IQGAP2: variants seen among roughly 807,000 people sequenced by gnomAD.
IQGAP2 encodes IQ motif containing GTPase activating protein 2.
IQGAP2 carries 173 observed loss-of-function variants against 201.3 expected under a neutral mutation model. The observed-to-expected ratio is 0.86, with a 90% CI of 0.76 to 0.98. IQGAP2 has a LOEUF of 0.98. Ranked by LOEUF, IQGAP2 falls within the 50% of genes least tolerant of loss-of-function variation. IQGAP2 has a pLI of 0.00. For synonymous variants in IQGAP2, 675 were observed against 673.9 expected (o/e 1.00, Z -0.03); for missense variants, 1,687 against 1,864.8 (o/e 0.90, Z 1.76).
chr5:76,461,432 C>T (rs753707671), intron 1 of IQGAP2, 138 bp from the exon 2 acceptor site: 2 of 515,800 alleles, frequency 3.9e-6, no homozygotes, highest in Non-Finnish European at 6.8e-6. Flanking sequence ...GCAAATTTCT[C>T]TCTCTGCCTG....
At chr5:76,410,511 G>A (rs1230169589) in intron 1 of IQGAP2, among the ~76,000 whole-genome samples, 1 of 152,192 alleles carries the variant, frequency 6.6e-6, no homozygotes, top group East Asian at 1.9e-4. Context: ...TGAGCATTTG[G>A]TGCCCTGTCT....
At chr5:76,596,509 G>C (rs917494009) in intron 9 of IQGAP2, among the ~76,000 whole-genome samples, 1 of 152,210 alleles carries the variant, frequency 6.6e-6, no homozygotes, top group Non-Finnish European at 1.5e-5. Flanking sequence ...AGATCACAGA[G>C]TGTATTAGTC....
At chr5:76,496,130 T>A (rs1399951279) in intron 2 of IQGAP2, among the ~76,000 whole-genome samples, 1 of 152,230 alleles carries the variant, frequency 6.6e-6, no homozygotes, top group African/African-American at 2.4e-5. Flanking sequence ...AAGTGATTAC[T>A]CACTTTACAG....
chr5:76,432,534 A>AT (rs1752435480), intron 1 of IQGAP2, among the ~76,000 whole-genome samples: 1 of 152,188 alleles, frequency 6.6e-6, no homozygotes, highest in Non-Finnish European at 1.5e-5. Flanking sequence ...CTAGAGCTAC[A>AT]TTTTAAAGGT....
chr5:76,487,110 T>C (rs1179806461), intron 2 of IQGAP2, among the ~76,000 whole-genome samples: 7 of 151,714 alleles, frequency 4.6e-5, no homozygotes, highest in African/African-American at 1.7e-4. Flanking sequence ...TTCTTTTTTT[T>C]TTTTTTGAGA....
chr5:76,530,455 C>G (rs142386373), intron 2 of IQGAP2, among the ~76,000 whole-genome samples: 2 of 152,298 alleles, frequency 1.3e-5, no homozygotes, highest in East Asian at 3.9e-4. Flanking sequence ...ATTTCAAAAC[C>G]AGGAATTTTT....
chr5:76,683,890 C>A lies in IQGAP2; in HGVS notation c.3878C>A (p.Ala1293Asp). ...TSKYDIEDGE[A>D]IDSRSLMIKT... ...AAATATGACATAGAGGACGGTGAAG[C>A]TATAGATAGCCGAAGCCTCATGATA... The change falls in exon 30 of 36, where the codon GCT becomes GAT. Residue 1293 changes from alanine (A) to aspartate (D), a missense_variant. Physicochemically the swap from Ala to Asp is moderately radical, Grantham distance 126 (BLOSUM62 -2). Transcript: ENST00000274364. 3 of 1,612,464 alleles carry A rather than the reference C, an allele frequency of 1.9e-6. No individual in the cohort carries two copies. Among genetic ancestry groups the A allele is most frequent in the Non-Finnish European group, 2.5e-6 (3 of 1,179,242 alleles).
At chr5:76,666,877 G>A (rs1451433023) in intron 22 of IQGAP2, among the ~76,000 whole-genome samples, 1 of 152,134 alleles carries the variant, frequency 6.6e-6, no homozygotes, top group East Asian at 1.9e-4. Flanking sequence ...CTGAGTAGCT[G>A]GGACTACAGA....
chr5:76,688,344 G>C (rs899042527), intron 30 of IQGAP2, among the ~76,000 whole-genome samples: 2 of 152,182 alleles, frequency 1.3e-5, no homozygotes, highest in Admixed American at 6.5e-5. Context: ...TTCCAGTCAT[G>C]AGTAACTCAT....
At chr5:76,684,081 A>T (rs1405459466) in intron 30 of IQGAP2, among the ~76,000 whole-genome samples, 164 bp downstream of exon 30, 1 of 152,218 alleles carries the variant, frequency 6.6e-6, no homozygotes, top group African/African-American at 2.4e-5. Context: ...GACTCTTTAG[A>T]ATTTAGGAAG....
At position 76,702,381 on chromosome 5, in the gene IQGAP2, C is replaced by T. The variant is rs1747481988; in HGVS notation, c.4506-101C>T. ...CTTCCTTAGGATTTTCTCAACAAGC[C>T]ATTATTTAAAAATGATTATTTGAGA... is the stretch of plus-strand genomic sequence containing the variant. On this transcript the variant is annotated intron_variant, in intron 34 of 35. Transcript: ENST00000274364. 3 of 631,688 alleles carry T rather than the reference C, an allele frequency of 4.7e-6. No homozygotes were observed. In the East Asian group the frequency reaches 8.6e-5, roughly 18 times the overall value. The allele number at this position is 631,688 out of a possible 1,614,324, so 39.1% of individuals were successfully genotyped here.
At chr5:76,579,440 TA>T (rs56658667) in intron 5 of IQGAP2, among the ~76,000 whole-genome samples, 11,542 of 138,772 alleles carry the variant, frequency 0.083, 846 homozygotes, top group East Asian at 0.44. Flanking sequence ...TTTCTTTGTT[TA>T]AAAAAAAAAA....
chr5:76,707,325 A>G lies in IQGAP2; in HGVS notation c.*12A>G. On this transcript the variant is annotated 3_prime_UTR_variant, in exon 36 of 36. Transcript: ENST00000274364. ...TCTATGGAAAGTGAAGTGCCTACAG[A>G]AATTTCTTGGATTCTGTATCATCTG... 8.6e-7 allele frequency: 1 copy of G among 1,162,280 alleles called. No individual in the cohort carries two copies. Among genetic ancestry groups the G allele is most frequent in the Non-Finnish European group, 1.3e-6 (1 of 771,502 alleles). The allele number at this position is 1,162,280 out of a possible 1,614,324, so 72.0% of individuals were successfully genotyped here. A position where few individuals can be genotyped will look rare whatever the true frequency, so the allele number is the denominator to read the frequency against.
At chr5:76,437,530 CG>C (rs1561371134) in intron 1 of IQGAP2, among the ~76,000 whole-genome samples, 1 of 152,076 alleles carries the variant, frequency 6.6e-6, no homozygotes. Context: ...ATAGCTCCCC[CG>C]CTCCCCTCCC....
At chr5:76,584,970 C>T (rs1049530042) in intron 5 of IQGAP2, among the ~76,000 whole-genome samples, 1 of 152,124 alleles carries the variant, frequency 6.6e-6, no homozygotes, top group African/African-American at 2.4e-5. Context: ...TTATTGAGCA[C>T]TTACATTTAT....
chr5:76,658,737 T>G, intron 21 of IQGAP2, 70 bp downstream of exon 21: 2 of 1,285,904 alleles, frequency 1.6e-6, no homozygotes, highest in Middle Eastern at 4.3e-4. Flanking sequence ...AAGAGTCACT[T>G]AATGACAGGG....
At chr5:76,469,675 A>G (rs1755000119) in intron 2 of IQGAP2, among the ~76,000 whole-genome samples, 1 of 152,152 alleles carries the variant, frequency 6.6e-6, no homozygotes, top group South Asian at 2.1e-4. Context: ...AAGTGCTGGG[A>G]TTACAGGCAT....
At chr5:76,637,649 G>A (rs555151021) in intron 16 of IQGAP2, among the ~76,000 whole-genome samples, 2 of 152,338 alleles carry the variant, frequency 1.3e-5, no homozygotes, top group South Asian at 2.1e-4. Flanking sequence ...GACAGCTTCG[G>A]AAGCAAAGAA....
intron 2 of IQGAP2, among the ~76,000 whole-genome samples, chr5:76,492,813 C>G (rs562349568): frequency 6.6e-6 from 1 of 152,140 alleles, no homozygotes; most frequent in Non-Finnish European, 1.5e-5. Context: ...ATGTGCCAGG[C>G]CATGGAGAGT....
Sources: gnomAD v4.1 joint callset for allele counts (sites outside exome capture counted in the v4.1 genomes callset) on GRCh38, gnomAD v4.1.1 for gene constraint, MANE v1.5 for transcripts, NCBI Gene and HGNC (gene_info 2026-07-23, HGNC 2026-07-21) for gene names.